The following SGMS1 variants were observed in gnomAD, a reference collection of about 807,000 sequenced individuals.
The protein encoded by SGMS1 is sphingomyelin synthase 1.
In SGMS1, 13 loss-of-function variants were observed where a neutral mutation model predicts 46.2. That is an observed-to-expected ratio of 0.28 (90% CI 0.18 to 0.45). The LOEUF (loss-of-function observed/expected upper bound fraction) is 0.45, where lower values mean the gene tolerates loss of function less well. Ranked by LOEUF, SGMS1 falls within the 20% of genes least tolerant of loss-of-function variation. The pLI is 1.00. For missense variants in SGMS1, 324 were observed against 519.9 expected (o/e 0.62, Z 3.66); for synonymous variants, 203 against 187.8 (o/e 1.08, Z -0.66).
At chr10:50,412,279 T>TC (rs1564906317) in intron 6 of SGMS1, among the ~76,000 whole-genome samples, 2 of 152,196 alleles carry the variant, frequency 1.3e-5, no homozygotes, top group Non-Finnish European at 2.9e-5. Flanking sequence ...ATTCCTAACT[T>TC]CAATTCTCCA....
intron 5 of SGMS1, among the ~76,000 whole-genome samples, chr10:50,439,185 C>A (rs189015821): frequency 2.6e-5 from 4 of 152,176 alleles, no homozygotes; most frequent in Non-Finnish European, 4.4e-5. Flanking sequence ...CTAATATGGG[C>A]GCCTTAAAAA....
intron 2 of SGMS1, among the ~76,000 whole-genome samples, chr10:50,523,971 T>G (rs180686893): frequency 1.3e-5 from 2 of 152,352 alleles, no homozygotes; most frequent in African/African-American, 4.8e-5. Context: ...ACCCTCTTGC[T>G]ACTTCTTGGG....
intron 2 of SGMS1, among the ~76,000 whole-genome samples, chr10:50,534,816 C>T (rs1163721188): frequency 6.6e-6 from 1 of 152,150 alleles, no homozygotes; most frequent in Non-Finnish European, 1.5e-5. Flanking sequence ...AATAGGTTAA[C>T]AAAATGATAG....
intron 9 of SGMS1, among the ~76,000 whole-genome samples, chr10:50,310,103 C>T (rs1400999675): frequency 6.6e-6 from 1 of 152,126 alleles, no homozygotes; most frequent in Admixed American, 6.6e-5. Flanking sequence ...GAGTTCAGAC[C>T]CTCTTCTTGT....
In SGMS1 at chr10:50,311,323, C is replaced by T; in HGVS notation, c.834G>A (p.Gly278=). Residue 278 remains glycine (G), a synonymous_variant, in exon 9 of 11, where the codon GGG becomes GGA. Coordinates refer to ENST00000361781, the MANE Select transcript of SGMS1 (RefSeq NM_147156.4). ...CCGTGTGGCCGCTGTACAGATAGTCCCCACACATGTTGTGAGAGCCAGTGA... is the reference window on the plus strand; with the variant it reads ...CCGTGTGGCCGCTGTACAGATAGTCTCCACACATGTTGTGAGAGCCAGTGA... ...LSITGSHNMC[G]DYLYSGHTVM... 6.2e-7 allele frequency: 1 copy of T among 1,613,930 alleles called. No homozygotes were observed. The highest frequency in any genetic ancestry group is 8.5e-7 in the Non-Finnish European group (1 of 1,179,900).
chr10:50,398,045 C>G (rs370959888), intron 6 of SGMS1, among the ~76,000 whole-genome samples: 3 of 152,060 alleles, frequency 2.0e-5, no homozygotes, highest in African/African-American at 7.3e-5. Flanking sequence ...TGACTTTGTA[C>G]TCTGGTGTGC....
chr10:50,548,831 G>T (rs1449759589), intron 2 of SGMS1, among the ~76,000 whole-genome samples: 1 of 151,964 alleles, frequency 6.6e-6, no homozygotes, highest in Admixed American at 6.6e-5. Flanking sequence ...CTAATATCCA[G>T]AGTCTACAAG....
chr10:50,393,514 A>G (rs1244339223), intron 6 of SGMS1, among the ~76,000 whole-genome samples: 1 of 152,148 alleles, frequency 6.6e-6, no homozygotes, highest in Non-Finnish European at 1.5e-5. Context: ...TCCTTACTAG[A>G]TCCAAAGGCA....
chr10:50,400,396 CATATATAT>C lies in SGMS1; in HGVS notation c.-232+33072_-232+33079del, dbSNP rs10524155. 4.5e-3 allele frequency among the ~76,000 whole-genome samples: 442 copies of C among 98,572 alleles called. 7 individuals are homozygous for C. Among genetic ancestry groups the C allele is most frequent in the Middle Eastern group, 5.7e-3 (1 of 174 alleles). The allele number at this position is 98,572 out of a possible 152,430, so 64.7% of individuals were successfully genotyped here. A position where few individuals can be genotyped will look rare whatever the true frequency, so the allele number is the denominator to read the frequency against. ...ACAAGACCTATAGAACACATCCTGG[CATATATAT>C]ATATATATATATATATATATATATA... On this transcript the variant is annotated intron_variant, in intron 6 of 10. Coordinates refer to ENST00000361781, the MANE Select transcript of SGMS1 (RefSeq NM_147156.4).
intron 4 of SGMS1, among the ~76,000 whole-genome samples, chr10:50,465,253 G>T (rs568865239): frequency 6.6e-6 from 1 of 152,118 alleles, no homozygotes; most frequent in African/African-American, 2.4e-5. Flanking sequence ...ACAAATTTGC[G>T]GTCCATTTTG....
chr10:50,605,761 TACA>T (rs1838688742), intron 1 of SGMS1, among the ~76,000 whole-genome samples: 1 of 152,252 alleles, frequency 6.6e-6, no homozygotes, highest in Non-Finnish European at 1.5e-5. Flanking sequence ...TTTTTATTTA[TACA>T]AATGTATGGG....
chr10:50,345,563 T>C (rs1237763758), intron 6 of SGMS1, among the ~76,000 whole-genome samples: 1 of 152,214 alleles, frequency 6.6e-6, no homozygotes, highest in East Asian at 1.9e-4. Context: ...CATACATGTA[T>C]AATGTGTATA....
chr10:50,339,125 C>A (rs1365494142), intron 7 of SGMS1, among the ~76,000 whole-genome samples: 3 of 152,228 alleles, frequency 2.0e-5, no homozygotes, highest in Non-Finnish European at 4.4e-5. Flanking sequence ...ACACCAGTTT[C>A]ATTCTTTTAA....
At chr10:50,434,789 G>A (rs1473682891) in intron 5 of SGMS1, among the ~76,000 whole-genome samples, 1 of 150,808 alleles carries the variant, frequency 6.6e-6, no homozygotes, top group East Asian at 1.9e-4. Flanking sequence ...GGAGGCTGAG[G>A]CAGAGAATGA....
chr10:50,507,736 C>T (rs1443657697), intron 3 of SGMS1, among the ~76,000 whole-genome samples: 1 of 152,212 alleles, frequency 6.6e-6, no homozygotes. Context: ...CTTACCAGAA[C>T]CACTGGGCCT....
At chr10:50,555,009 C>T (rs868613183) in intron 2 of SGMS1, among the ~76,000 whole-genome samples, 3 of 152,258 alleles carry the variant, frequency 2.0e-5, no homozygotes, top group Non-Finnish European at 2.9e-5. Flanking sequence ...CCCAGAGGTC[C>T]TGGACACCTC....
intron 5 of SGMS1, among the ~76,000 whole-genome samples, chr10:50,458,632 T>C (rs1453716860): frequency 6.6e-6 from 1 of 152,114 alleles, no homozygotes; most frequent in Non-Finnish European, 1.5e-5. Flanking sequence ...GTGCTGGGAT[T>C]GCAGGCATGA....
At chr10:50,381,710 T>C (rs140485864) in intron 6 of SGMS1, among the ~76,000 whole-genome samples, 127 of 152,324 alleles carry the variant, frequency 8.3e-4, no homozygotes, top group African/African-American at 3.0e-3. Flanking sequence ...ACTCAGCAAA[T>C]GAGCTAAGGA....
At chr10:50,408,653 A>G (rs1849056653) in intron 6 of SGMS1, among the ~76,000 whole-genome samples, 3 of 151,922 alleles carry the variant, frequency 2.0e-5, no homozygotes, top group Admixed American at 2.0e-4. Context: ...ACTGTACTTC[A>G]GCCTGGGTGA....
Sources: gnomAD v4.1 joint callset for allele counts (sites outside exome capture counted in the v4.1 genomes callset) on GRCh38, gnomAD v4.1.1 for gene constraint, MANE v1.5 for transcripts, NCBI Gene and HGNC (gene_info 2026-07-23, HGNC 2026-07-21) for gene names.